Variants in TGM2 observed in about 807,000 individuals in gnomAD.
The protein encoded by TGM2 is protein-glutamine gamma-glutamyltransferase 2.
TGM2 carries 53 observed loss-of-function variants against 75.6 expected under a neutral mutation model. The ratio of observed to expected loss-of-function variants is 0.70; its 90% confidence interval spans 0.56 to 0.88. The LOEUF is 0.88. Ranked by LOEUF, TGM2 falls within the 40% of genes least tolerant of loss-of-function variation. The pLI is 0.00. For synonymous variants in TGM2, 374 were observed against 381.1 expected (o/e 0.98, Z 0.22); for missense variants, 842 against 928.5 (o/e 0.91, Z 1.21).
chr20:38,129,998 T>G lies in TGM2; in HGVS notation c.*221A>C, dbSNP rs1320377080. On this transcript the variant is annotated 3_prime_UTR_variant, in exon 13 of 13. Coordinates refer to ENST00000361475, the MANE Select transcript of TGM2 (RefSeq NM_004613.4). ...AGCCAAGGTCAGGGCTCCCACTGTT[T>G]CTGGCACAGAGCATTCCTCACAGCA... is the stretch of plus-strand genomic sequence containing the variant. The G allele has an allele frequency of 1.6e-6, 1 of 619,556 alleles. No individual in the cohort carries two copies. The highest frequency in any genetic ancestry group is 1.8e-5 in the African/African-American group (1 of 54,200). 38.4% of individuals were successfully genotyped at this position (619,556 alleles called of 1,614,324 possible). A position where few individuals can be genotyped will look rare whatever the true frequency, so the allele number is the denominator to read the frequency against.
chr20:38,127,572 T>A lies in TGM2; in HGVS notation c.*2647A>T, dbSNP rs1227422976. The A allele has an allele frequency of 6.3e-6, 1 of 158,962 alleles. No individual in the cohort carries two copies. The highest frequency in any genetic ancestry group is 6.5e-5 in the Admixed American group (1 of 15,284). 9.8% of individuals were successfully genotyped at this position (158,962 alleles called of 1,614,324 possible). On this transcript the variant is annotated 3_prime_UTR_variant, in exon 13 of 13. Coordinates refer to ENST00000361475, the MANE Select transcript of TGM2 (RefSeq NM_004613.4). ...CACGGAATCGCAGTCTAGACCTGCT[T>A]CATCCAGTACTAGCCAGACTGGCTA...
chr20:38,130,307 A>G lies in TGM2; in HGVS notation c.1976T>C (p.Met659Thr). Reference protein sequence around the residue: ...KVRMDLLPLHMGLHKLVVNFE... With the variant: ...KVRMDLLPLHTGLHKLVVNFE... ...GTTCACCACCAGCTTGTGGAGGCCC[A>G]TGTGGAGCGGCAGCAGGTCCATTCT... Residue 659 changes from methionine to threonine, a missense_variant, in exon 13 of 13, where the codon ATG (methionine) becomes ACG (threonine). By Grantham distance (81) the Met-to-Thr change is moderately conservative (BLOSUM62 -1). Transcript: ENST00000361475. 6.2e-7 allele frequency: 1 copy of G among 1,611,536 alleles called. No individual in the cohort carries two copies. The highest frequency in any genetic ancestry group is 8.5e-7 in the Non-Finnish European group (1 of 1,179,256).
intron 11 of TGM2, among the ~76,000 whole-genome samples, chr20:38,131,513 G>C (rs1412744017): frequency 6.6e-6 from 1 of 152,094 alleles, no homozygotes; most frequent in African/African-American, 2.4e-5. Flanking sequence ...AAGATCACAG[G>C]CTTTTGAGCC....
chr20:38,133,070 G>T (rs1327749341), intron 10 of TGM2: 7 of 355,900 alleles, frequency 2.0e-5, no homozygotes, highest in African/African-American at 4.3e-5. Flanking sequence ...TCCAGCAGGT[G>T]AAATAACGTT....
chr20:38,162,416 G>A (rs1260823353), intron 1 of TGM2, among the ~76,000 whole-genome samples: 1 of 152,144 alleles, frequency 6.6e-6, no homozygotes, highest in Non-Finnish European at 1.5e-5. Flanking sequence ...CCAGGGCTGA[G>A]GAACAAGTTA....
intron 1 of TGM2, among the ~76,000 whole-genome samples, chr20:38,164,124 G>A (rs924929254): frequency 6.6e-6 from 1 of 152,326 alleles, no homozygotes; most frequent in African/African-American, 2.4e-5. Context: ...TGAGCATGGG[G>A]GTGAGAAGAT....
At chr20:38,133,527 G>A (rs1167709794) in intron 10 of TGM2, 1 of 152,752 alleles carries the variant, frequency 6.5e-6, no homozygotes, top group East Asian at 1.9e-4. Flanking sequence ...GAACACTGAG[G>A]CTGGAGGACC....
chr20:38,165,037 T>C (rs553307219), intron 1 of TGM2, 152 bp downstream of exon 1: 2 of 1,146,938 alleles, frequency 1.7e-6, no homozygotes, highest in African/African-American at 3.1e-5. Flanking sequence ...ATGGGGAAAC[T>C]GAGGCTCCAA....
intron 2 of TGM2, among the ~76,000 whole-genome samples, chr20:38,158,369 C>G (rs902239332): frequency 2.0e-5 from 3 of 152,220 alleles, no homozygotes; most frequent in South Asian, 2.1e-4. Context: ...ACACCATCCT[C>G]TTTGTGAGAC....
chr20:38,147,491 G>A (rs1435104111), intron 5 of TGM2, among the ~76,000 whole-genome samples: 3 of 152,080 alleles, frequency 2.0e-5, no homozygotes, highest in African/African-American at 7.2e-5. Context: ...ACCACCTTAG[G>A]GAGCCCCTCA....
At chr20:38,144,471 A>C (rs1244992300) in intron 6 of TGM2, among the ~76,000 whole-genome samples, 1 of 152,178 alleles carries the variant, frequency 6.6e-6, no homozygotes, top group African/African-American at 2.4e-5. Flanking sequence ...TGGCTGATTC[A>C]TGGACATTGA....
chr20:38,168,010 C>T (rs11086468), upstream of TGM2, among the ~76,000 whole-genome samples: 71,258 of 152,036 alleles, frequency 0.47, 19,167 homozygotes, highest in Non-Finnish European at 0.62. Flanking sequence ...ACAGCAGCAG[C>T]CAAACAGTCA....
At chr20:38,161,665 C>T in intron 1 of TGM2, 66 bp from the exon 2 acceptor site, 2 of 1,580,234 alleles carry the variant, frequency 1.3e-6, no homozygotes. Flanking sequence ...GATGCACCTG[C>T]CCTCCCTAGA....
intron 3 of TGM2, among the ~76,000 whole-genome samples, chr20:38,152,351 G>T (rs1321344171): frequency 6.6e-6 from 1 of 152,166 alleles, no homozygotes; most frequent in Non-Finnish European, 1.5e-5. Context: ...ATGGGAAAGA[G>T]GCCAAGTCTC....
chr20:38,138,814 T>A (rs2074933135), intron 9 of TGM2, among the ~76,000 whole-genome samples: 1 of 152,246 alleles, frequency 6.6e-6, no homozygotes, highest in South Asian at 2.1e-4. Context: ...TTTCCCTCCC[T>A]GTCTCTGATT....
chr20:38,135,027 A>T (rs6123388), intron 10 of TGM2, among the ~76,000 whole-genome samples: 61 of 152,068 alleles, frequency 4.0e-4, no homozygotes, highest in Non-Finnish European at 1.5e-5. Flanking sequence ...TCTCCAGTGG[A>T]TCCCCAACAG....
At position 38,129,109 on chromosome 20, in the gene TGM2, G is replaced by A. The variant is rs1219358884; in HGVS notation, c.*1110C>T. On this transcript the variant is annotated 3_prime_UTR_variant, in exon 13 of 13. Coordinates refer to ENST00000361475, the MANE Select transcript of TGM2 (RefSeq NM_004613.4). ...GAAATATCCTGGGCCTATGGCTTAA[G>A]GCTTCGTGGAGCAGGGAGTGGACCT... 1 of 152,498 alleles carries A rather than the reference G, an allele frequency of 6.6e-6. No individual in the cohort carries two copies. The highest frequency in any genetic ancestry group is 1.5e-5 in the Non-Finnish European group (1 of 68,232). The allele number at this position is 152,498 out of a possible 1,614,324, so 9.4% of individuals were successfully genotyped here.
At chr20:38,134,889 A>C (rs1466348457) in intron 10 of TGM2, among the ~76,000 whole-genome samples, 1 of 152,240 alleles carries the variant, frequency 6.6e-6, no homozygotes, top group Non-Finnish European at 1.5e-5. Context: ...GGGGGCTTAG[A>C]GGGAACGCAT....
upstream of TGM2, among the ~76,000 whole-genome samples, chr20:38,168,261 G>A (rs1266010790): frequency 2.0e-5 from 3 of 152,230 alleles, no homozygotes; most frequent in Non-Finnish European, 4.4e-5. Context: ...CAGAACCCAG[G>A]CTTGGCCCAG....
Sources: allele counts gnomAD v4.1 joint callset (sites outside exome capture counted in the v4.1 genomes callset), GRCh38; gene constraint gnomAD v4.1.1; transcripts MANE v1.5; gene names NCBI Gene and HGNC (gene_info 2026-07-23, HGNC 2026-07-21).